Variants in EPS15L1 observed in about 807,000 individuals in gnomAD.
EPS15L1 encodes epidermal growth factor receptor pathway substrate 15 like 1.
Under a neutral mutation model 117.1 loss-of-function variants are expected in EPS15L1, and 43 were observed. That is an observed-to-expected ratio of 0.37 (90% CI 0.29 to 0.47). The LOEUF is 0.47. Among genes scored for constraint, EPS15L1 ranks in the 20% least tolerant of loss-of-function variants. The pLI is 0.99. For synonymous variants in EPS15L1, 459 were observed against 470.5 expected, an observed-to-expected ratio of 0.98 and a Z score of 0.32; for missense variants, 981 against 1,164.0, an observed-to-expected ratio of 0.84 and a Z score of 2.29.
chr19:16,421,099 A>C (rs559685792), intron 10 of EPS15L1, among the ~76,000 whole-genome samples: 2 of 152,366 alleles, frequency 1.3e-5, no homozygotes, highest in East Asian at 3.9e-4. Context: ...GGCCCTTCCT[A>C]CTGAAAGACA....
chr19:16,380,759 C>A (rs1370878912), intron 21 of EPS15L1, among the ~76,000 whole-genome samples: 1 of 152,252 alleles, frequency 6.6e-6, no homozygotes, highest in Non-Finnish European at 1.5e-5. Flanking sequence ...TTTAGTTGCA[C>A]AGACATGGCC....
At position 16,438,848 on chromosome 19, in the gene EPS15L1, G is replaced by A. The variant is rs145177051; in HGVS notation, c.214-983C>T. ...GTGTTGAATTTTTTTTAAAGCAGTC[G>A]TAAATACACACGGTTGGTCAGAAAC... On this transcript the variant is annotated intron_variant, in intron 4 of 23. Transcript: ENST00000455140. Among the ~76,000 whole-genome samples, 303 of 152,144 alleles carry A rather than the reference G, an allele frequency of 2.0e-3. 1 individual carries two copies. Among genetic ancestry groups the A allele is most frequent in the African/African-American group, 7.1e-3 (293 of 41,510 alleles).
chr19:16,446,954 A>G (rs2145105246), intron 1 of EPS15L1, among the ~76,000 whole-genome samples: 1 of 152,350 alleles, frequency 6.6e-6, no homozygotes, highest in East Asian at 1.9e-4. Flanking sequence ...TATAACACTG[A>G]AACACATCTC....
At chr19:16,453,084 G>A (rs992035764) in intron 1 of EPS15L1, among the ~76,000 whole-genome samples, 6 of 152,102 alleles carry the variant, frequency 3.9e-5, no homozygotes, top group Non-Finnish European at 8.8e-5. Context: ...ACAGGTGTGA[G>A]CCACCGCGCC....
intron 5 of EPS15L1, 156 bp from the exon 6 acceptor site, chr19:16,437,155 C>T: frequency 1.6e-6 from 1 of 633,532 alleles, no homozygotes; most frequent in Non-Finnish European, 2.8e-6. Flanking sequence ...AGCAATTCCA[C>T]TCCTACGTAT....
chr19:16,413,028 G>C, intron 13 of EPS15L1: 2 of 738,376 alleles, frequency 2.7e-6, no homozygotes, highest in Non-Finnish European at 4.7e-6. Flanking sequence ...GATTATGCCA[G>C]TGCAGAAACA....
At chr19:16,379,701 C>T (rs920376320) in intron 21 of EPS15L1, among the ~76,000 whole-genome samples, 1 of 151,614 alleles carries the variant, frequency 6.6e-6, no homozygotes, top group African/African-American at 2.4e-5. Context: ...TTAGTCACAC[C>T]AATGCAACCA....
intron 16 of EPS15L1, chr19:16,401,075 A>G (rs2092595780): frequency 1.0e-6 from 1 of 985,254 alleles, no homozygotes; most frequent in Non-Finnish European, 1.2e-6. Context: ...CTCATGAAGG[A>G]TGAATGCTCA....
At chr19:16,374,792 A>C (rs1320431269) in intron 22 of EPS15L1, among the ~76,000 whole-genome samples, 5 of 152,278 alleles carry the variant, frequency 3.3e-5, no homozygotes, top group Non-Finnish European at 5.9e-5. Context: ...GAATACGTGC[A>C]CATGTGTGTA....
chr19:16,425,760 G>A (rs1012618238), intron 8 of EPS15L1, among the ~76,000 whole-genome samples: 2 of 152,094 alleles, frequency 1.3e-5, no homozygotes, highest in African/African-American at 2.4e-5. Flanking sequence ...AGCTGTGATC[G>A]CGCCACTGCA....
chr19:16,416,456 C>T (rs1281378661), intron 12 of EPS15L1, among the ~76,000 whole-genome samples: 7 of 151,864 alleles, frequency 4.6e-5, no homozygotes, highest in East Asian at 1.9e-4. Flanking sequence ...GGCAACATGG[C>T]GAAACCCCAT....
chr19:16,407,173 C>T (rs533095227), intron 13 of EPS15L1, among the ~76,000 whole-genome samples: 1 of 152,186 alleles, frequency 6.6e-6, no homozygotes, highest in Non-Finnish European at 1.5e-5. Flanking sequence ...GCCATGTCAG[C>T]GTCTGCAGTG....
intron 16 of EPS15L1, among the ~76,000 whole-genome samples, chr19:16,398,308 G>GAA (rs2092561563): frequency 6.6e-6 from 1 of 152,188 alleles, no homozygotes; most frequent in Non-Finnish European, 1.5e-5. Flanking sequence ...TGGAGCCTCC[G>GAA]ACCACAGGGT....
chr19:16,445,487 G>C (rs900504397), intron 1 of EPS15L1, among the ~76,000 whole-genome samples: 14 of 152,218 alleles, frequency 9.2e-5, no homozygotes, highest in African/African-American at 3.4e-4. Flanking sequence ...TACAGCACCA[G>C]GCCCCAACTG....
intron 1 of EPS15L1, among the ~76,000 whole-genome samples, chr19:16,456,546 A>G (rs2145155039): frequency 6.6e-6 from 1 of 152,096 alleles, no homozygotes; most frequent in Non-Finnish European, 1.5e-5. Flanking sequence ...AATCTCAGCT[A>G]CTTGGGAGGC....
intron 19 of EPS15L1, among the ~76,000 whole-genome samples, chr19:16,389,379 A>G (rs2092453846): frequency 6.6e-6 from 1 of 152,010 alleles, no homozygotes; most frequent in Admixed American, 6.6e-5. Flanking sequence ...GCTTGAGCCC[A>G]GGAGGTTGAG....
intron 15 of EPS15L1, among the ~76,000 whole-genome samples, chr19:16,403,405 T>G (rs2092622407): frequency 6.6e-6 from 1 of 152,174 alleles, no homozygotes; most frequent in Non-Finnish European, 1.5e-5. Flanking sequence ...TTGTCCCTCT[T>G]GTTTGTGTGA....
intron 1 of EPS15L1, among the ~76,000 whole-genome samples, chr19:16,458,879 T>C (rs887638593): frequency 1.3e-5 from 2 of 152,208 alleles, no homozygotes; most frequent in African/African-American, 4.8e-5. Context: ...ATCGTTTAAC[T>C]ACAGGGATGC....
intron 1 of EPS15L1, among the ~76,000 whole-genome samples, chr19:16,442,696 C>A (rs1193014874): frequency 6.6e-6 from 1 of 152,214 alleles, no homozygotes; most frequent in Non-Finnish European, 1.5e-5. Context: ...CCCATCCATC[C>A]TCCTCCAGCT....
Sources: allele counts gnomAD v4.1 joint callset (sites outside exome capture counted in the v4.1 genomes callset), GRCh38; gene constraint gnomAD v4.1.1; transcripts MANE v1.5; gene names NCBI Gene and HGNC (gene_info 2026-07-23, HGNC 2026-07-21).